The following HTR1F variants were observed in gnomAD, a reference collection of about 807,000 sequenced individuals.
The protein encoded by HTR1F is 5-hydroxytryptamine receptor 1F.
HTR1F carries 17 observed loss-of-function variants against 24.0 expected under a neutral mutation model. That is an observed-to-expected ratio of 0.71 (90% CI 0.48 to 1.06). The LOEUF (loss-of-function observed/expected upper bound fraction) is 1.06, where lower values mean the gene tolerates loss of function less well. HTR1F is among the 50% of genes least tolerant of loss of function. The pLI, the probability that HTR1F is intolerant of heterozygous loss-of-function variation, is 0.00. For missense variants in HTR1F, 391 were observed against 427.8 expected (o/e 0.91, Z 0.76); for synonymous variants, 186 against 156.8 (o/e 1.19, Z -1.39).
chr3:87,963,556 C>T (rs1991658), intron 2 of HTR1F, among the ~76,000 whole-genome samples: 58,874 of 151,956 alleles, frequency 0.39, 12,936 homozygotes, highest in African/African-American at 0.62. Flanking sequence ...AATAACTATC[C>T]TCTCTCCTCC....
intron 2 of HTR1F, among the ~76,000 whole-genome samples, chr3:87,925,413 A>T (rs1026578365): frequency 3.3e-5 from 5 of 152,138 alleles, no homozygotes; most frequent in Admixed American, 1.3e-4. Context: ...GCTGTACTGG[A>T]CCACTTCTTT....
chr3:87,824,260 C>A (rs561128554), intron 2 of HTR1F, among the ~76,000 whole-genome samples: 1 of 152,164 alleles, frequency 6.6e-6, no homozygotes, highest in Non-Finnish European at 1.5e-5. Context: ...CTACTATACC[C>A]TTGGTTGCTT....
At chr3:87,867,464 C>T (rs537134324) in intron 2 of HTR1F, among the ~76,000 whole-genome samples, 29 of 151,834 alleles carry the variant, frequency 1.9e-4, no homozygotes, top group Middle Eastern at 3.4e-3. Flanking sequence ...TTTTTATTCG[C>T]TCAAGCATGG....
intron 1 of HTR1F, among the ~76,000 whole-genome samples, chr3:87,796,569 G>A (rs1333515941): frequency 1.3e-5 from 2 of 152,150 alleles, no homozygotes; most frequent in African/African-American, 4.8e-5. Context: ...ATATTGAAGA[G>A]GGTAGGAGCC....
intron 2 of HTR1F, among the ~76,000 whole-genome samples, chr3:87,917,588 T>C (rs1174055933): frequency 6.6e-6 from 1 of 151,966 alleles, no homozygotes; most frequent in Non-Finnish European, 1.5e-5. Flanking sequence ...TGAACAACTT[T>C]ATGTGCATAA....
At chr3:87,979,144 G>GGAGC (rs1705487050) in intron 2 of HTR1F, among the ~76,000 whole-genome samples, 1 of 124,428 alleles carries the variant, frequency 8.0e-6, no homozygotes, top group Non-Finnish European at 1.7e-5. Context: ...AGGGAGGGAG[G>GGAGC]GAGATGGGAA....
intron 2 of HTR1F, among the ~76,000 whole-genome samples, chr3:87,962,316 G>T (rs1360636189): frequency 6.6e-6 from 1 of 152,058 alleles, no homozygotes; most frequent in East Asian, 1.9e-4. Flanking sequence ...GAGAAATAAA[G>T]ATTGACAGTG....
intron 2 of HTR1F, among the ~76,000 whole-genome samples, chr3:87,940,474 C>T (rs1010624750): frequency 1.3e-5 from 2 of 152,176 alleles, no homozygotes; most frequent in African/African-American, 4.8e-5. Context: ...AAGAGAACCA[C>T]AAATCCTTGC....
At chr3:87,952,659 G>T (rs192737949) in intron 2 of HTR1F, among the ~76,000 whole-genome samples, 2 of 151,810 alleles carry the variant, frequency 1.3e-5, no homozygotes, top group Non-Finnish European at 2.9e-5. Flanking sequence ...ATTTACACGC[G>T]TAATTTCTGA....
At chr3:87,889,392 C>T (rs180678120) in intron 2 of HTR1F, among the ~76,000 whole-genome samples, 1 of 152,118 alleles carries the variant, frequency 6.6e-6, no homozygotes, top group East Asian at 1.9e-4. Flanking sequence ...CCTGCCATTC[C>T]CTAATTATAA....
intron 2 of HTR1F, among the ~76,000 whole-genome samples, chr3:87,841,131 C>T (rs1575930742): frequency 1.5e-5 from 2 of 136,684 alleles, no homozygotes; most frequent in African/African-American, 2.5e-5. Flanking sequence ...TGCTTATTAG[C>T]CGGATTTAAT....
At position 87,843,524 on chromosome 3, in the gene HTR1F, T is replaced by A. The variant is rs560938591; in HGVS notation, c.-43+21400T>A. Among the ~76,000 whole-genome samples the A allele has an allele frequency of 1.4e-4, 21 of 150,414 alleles. 1 individual carries two copies. The highest frequency in any genetic ancestry group is 8.3e-4 in the South Asian group (4 of 4,808). ...GACTTTCTTTTTCTTTTTTTTTTTT[T>A]AATTTATTTATTTTATTATTATACT... On this transcript the variant is annotated intron_variant, in intron 2 of 2. Coordinates refer to ENST00000319595, the MANE Select transcript of HTR1F (RefSeq NM_001322209.2).
At chr3:87,863,599 T>G (rs1705363378) in intron 2 of HTR1F, among the ~76,000 whole-genome samples, 1 of 152,188 alleles carries the variant, frequency 6.6e-6, no homozygotes, top group African/African-American at 2.4e-5. Context: ...TCCTTCTGAG[T>G]TTTCCCTAGC....
intron 2 of HTR1F, among the ~76,000 whole-genome samples, chr3:87,906,532 A>AT (rs1703671070): frequency 6.6e-6 from 1 of 151,330 alleles, no homozygotes; most frequent in Non-Finnish European, 1.5e-5. Flanking sequence ...TTTTTTTTTA[A>AT]TTTTTTCTTT....
At chr3:87,965,897 C>T (rs1705153641) in intron 2 of HTR1F, among the ~76,000 whole-genome samples, 2 of 152,176 alleles carry the variant, frequency 1.3e-5, no homozygotes, top group Admixed American at 6.5e-5. Flanking sequence ...CACCCTCTTC[C>T]CTTAGTTCCC....
In HTR1F at chr3:87,991,592, A is replaced by G; in HGVS notation, c.843A>G (p.Gln281=). The G allele has an allele frequency of 6.2e-7, 1 of 1,614,102 alleles. No individual in the cohort carries two copies. The highest frequency in any genetic ancestry group is 1.6e-4 in the Middle Eastern group (1 of 6,062). Residue 281 remains glutamine (Q), a synonymous_variant, in exon 3 of 3, where the codon CAA becomes CAG. Coordinates refer to ENST00000319595, the MANE Select transcript of HTR1F (RefSeq NM_001322209.2). ...AGCATGAGAAATCTTGGAGAAGGCA[A>G]AAGATCTCAGGTACAAGAGAACGGA... The part of the protein sequence containing the change: ...EFKHEKSWRR[Q]KISGTRERKA...
At chr3:87,883,137 T>C (rs938650389) in intron 2 of HTR1F, among the ~76,000 whole-genome samples, 24 of 152,316 alleles carry the variant, frequency 1.6e-4, no homozygotes, top group African/African-American at 5.5e-4. Flanking sequence ...TGCTGCAATA[T>C]TTGCTGTTCT....
intron 2 of HTR1F, among the ~76,000 whole-genome samples, chr3:87,945,183 G>C (rs1704668294): frequency 6.6e-6 from 1 of 151,722 alleles, no homozygotes; most frequent in Non-Finnish European, 1.5e-5. Context: ...TTGGGGCCCT[G>C]GCAAGGATGG....
chr3:87,950,055 C>A (rs1011530950), intron 2 of HTR1F, among the ~76,000 whole-genome samples: 1 of 152,122 alleles, frequency 6.6e-6, no homozygotes, highest in South Asian at 2.1e-4. Context: ...GAGGAGGAAC[C>A]AAACTTGAGG....
Sources: allele counts gnomAD v4.1 joint callset (sites outside exome capture counted in the v4.1 genomes callset), GRCh38; gene constraint gnomAD v4.1.1; transcripts MANE v1.5; gene names NCBI Gene and HGNC (gene_info 2026-07-23, HGNC 2026-07-21).